Variants in IL1RN observed in about 807,000 individuals in gnomAD.
IL1RN encodes interleukin-1 receptor antagonist protein.
In IL1RN, 10 loss-of-function variants were observed where a neutral mutation model predicts 13.7. That is an observed-to-expected ratio of 0.73 (90% CI 0.45 to 1.24). The LOEUF (loss-of-function observed/expected upper bound fraction) is 1.24. Among genes scored for constraint, IL1RN ranks in the 50% most tolerant of loss-of-function variants. IL1RN has a pLI of 0.00. For synonymous variants in IL1RN, 102 were observed against 82.7 expected, an observed-to-expected ratio of 1.23 and a Z score of -1.27; for missense variants, 213 against 222.1, an observed-to-expected ratio of 0.96 and a Z score of 0.26.
At chr2:113,117,929 ACTGCCCGGGTG>A in exon 1 of IL1RN, 1 of 824,192 alleles carries the variant, frequency 1.2e-6, no homozygotes, top group Non-Finnish European at 2.2e-6. Context: ...TGGCCCAGGT[ACTGCCCGGGTG>A]CTACTTTATG....
chr2:113,125,328 C>T (rs1407751042), upstream of IL1RN, among the ~76,000 whole-genome samples: 1 of 152,234 alleles, frequency 6.6e-6, no homozygotes, highest in Non-Finnish European at 1.5e-5. Context: ...TTCAGCTAGT[C>T]CTCACAAAAA....
At chr2:113,132,073 T>G (rs1275257159) in intron 3 of IL1RN, among the ~76,000 whole-genome samples, 1 of 152,218 alleles carries the variant, frequency 6.6e-6, no homozygotes. Context: ...CCAGACTTAG[T>G]GGTCCAAGGC....
chr2:113,106,228 G>A (rs1686384508), upstream of IL1RN, among the ~76,000 whole-genome samples: 1 of 152,096 alleles, frequency 6.6e-6, no homozygotes, highest in South Asian at 2.1e-4. Flanking sequence ...ATAAGCAAAG[G>A]GTCTTTCTTA....
At chr2:113,103,811 TG>T (rs1338313387), upstream of IL1RN, among the ~76,000 whole-genome samples, 4 of 152,118 alleles carry the variant, frequency 2.6e-5, no homozygotes, top group Non-Finnish European at 5.9e-5. Context: ...TGGGACATTC[TG>T]GGTGTCATAT....
At chr2:113,109,188 G>T (rs919712275), upstream of IL1RN, among the ~76,000 whole-genome samples, 1 of 152,106 alleles carries the variant, frequency 6.6e-6, no homozygotes, top group African/African-American at 2.4e-5. Flanking sequence ...CAAGATGGGT[G>T]GATCACCTGA....
At chr2:113,112,462 G>GC (rs1178641701) in intron 1 of IL1RN, among the ~76,000 whole-genome samples, 2 of 152,134 alleles carry the variant, frequency 1.3e-5, no homozygotes, top group Non-Finnish European at 2.9e-5. Flanking sequence ...CCCCAACTCT[G>GC]CCCCAAGCCT....
chr2:113,118,564 G>A (rs1686659521), intron 1 of IL1RN, among the ~76,000 whole-genome samples: 2 of 152,106 alleles, frequency 1.3e-5, no homozygotes, highest in South Asian at 2.1e-4. Context: ...AGAAGAGTCC[G>A]ATATTCTGAT....
At chr2:113,105,579 C>T (rs898388652), upstream of IL1RN, among the ~76,000 whole-genome samples, 3 of 152,180 alleles carry the variant, frequency 2.0e-5, no homozygotes, top group Admixed American at 6.5e-5. Flanking sequence ...AAGTGACATC[C>T]GAGTTCCATC....
At position 113,127,702 on chromosome 2, in the gene IL1RN, A is replaced by T; in HGVS notation, c.78A>T (p.Arg26=). 2 of 1,613,972 alleles carry T rather than the reference A, an allele frequency of 1.2e-6. No individual in the cohort carries two copies. Among genetic ancestry groups the T allele is most frequent in the Non-Finnish European group, 1.7e-6 (2 of 1,179,994 alleles). The change falls in exon 1 of 4, where the codon CGA becomes CGT. Residue 26 remains arginine (R), a synonymous_variant. Coordinates refer to ENST00000409930, the MANE Select transcript of IL1RN (RefSeq NM_173842.3). The part of the protein sequence containing the change: ...LFLFHSETIC[R]PSGRKSSKMQ... ...TGTTCCATTCAGAGACGATCTGCCG[A>T]CCCTCTGGGAGAAAATCCAGCAAGA...
upstream of IL1RN, among the ~76,000 whole-genome samples, chr2:113,102,668 T>G (rs1686332038): frequency 6.6e-6 from 1 of 151,244 alleles, no homozygotes; most frequent in Non-Finnish European, 1.5e-5. Flanking sequence ...TTATAGGATT[T>G]GGGTAGGTAG....
intron 1 of IL1RN, chr2:113,120,006 T>A (rs1218914591): frequency 7.5e-7 from 1 of 1,329,406 alleles, no homozygotes; most frequent in Non-Finnish European, 1.1e-6. Flanking sequence ...GACAAGTCAT[T>A]CATTTCTCTG....
At chr2:113,130,088 G>T (rs1445478937) in intron 2 of IL1RN, 3 of 207,838 alleles carry the variant, frequency 1.4e-5, no homozygotes, top group Middle Eastern at 1.9e-3. Flanking sequence ...GCCATATTCT[G>T]GTCCACACAT....
At chr2:113,117,182 T>C (rs1381387302), upstream of IL1RN, among the ~76,000 whole-genome samples, 3 of 151,932 alleles carry the variant, frequency 2.0e-5, no homozygotes, top group Non-Finnish European at 4.4e-5. Flanking sequence ...AGGGAGAGAG[T>C]ATCTGGCCTT....
Position 113,133,252 on chromosome 2 carries a change from A to T in IL1RN, c.*381A>T. The T allele has an allele frequency of 3.0e-6, 1 of 328,194 alleles. No homozygotes were observed. The highest frequency in any genetic ancestry group is 7.3e-5 in the East Asian group (1 of 13,684). 20.3% of individuals were successfully genotyped at this position (328,194 alleles called of 1,614,324 possible). ...CCATCAGGCCACTTGATGACCCCCA[A>T]CCAAGTGGCTCCCACACCCTGTTTT... is the stretch of plus-strand genomic sequence containing the variant. On this transcript the variant is annotated 3_prime_UTR_variant, in exon 4 of 4. Coordinates refer to ENST00000409930, the MANE Select transcript of IL1RN (RefSeq NM_173842.3).
chr2:113,127,223 G>A (rs770040337), upstream of IL1RN, among the ~76,000 whole-genome samples: 5 of 152,156 alleles, frequency 3.3e-5, no homozygotes, highest in African/African-American at 1.2e-4. Context: ...TGTGCAGGGA[G>A]CCCTATCATT....
chr2:113,107,983 G>C (rs1209150113), upstream of IL1RN, among the ~76,000 whole-genome samples: 1 of 152,076 alleles, frequency 6.6e-6, no homozygotes, highest in East Asian at 1.9e-4. Context: ...CTTATTAGTT[G>C]CTCTAAGAAA....
upstream of IL1RN, among the ~76,000 whole-genome samples, chr2:113,125,239 C>T (rs1460307408): frequency 1.3e-5 from 2 of 152,308 alleles, no homozygotes; most frequent in East Asian, 3.9e-4. Context: ...TTAGCAAATA[C>T]TTTGGAAATT....
At chr2:113,123,562 T>C (rs573068607), upstream of IL1RN, among the ~76,000 whole-genome samples, 41 of 152,304 alleles carry the variant, frequency 2.7e-4, no homozygotes, top group African/African-American at 9.4e-4. Flanking sequence ...GCTCCTGGCC[T>C]ACCTGTGCAG....
upstream of IL1RN, among the ~76,000 whole-genome samples, chr2:113,106,357 T>G (rs887001343): frequency 6.6e-6 from 1 of 152,234 alleles, no homozygotes; most frequent in African/African-American, 2.4e-5. Flanking sequence ...TCTTGACCTT[T>G]TTAAGATTAT....
Sources: gnomAD v4.1 joint callset for allele counts (sites outside exome capture counted in the v4.1 genomes callset) on GRCh38, gnomAD v4.1.1 for gene constraint, MANE v1.5 for transcripts, NCBI Gene and HGNC (gene_info 2026-07-23, HGNC 2026-07-21) for gene names.